TM7SF3: variants seen among roughly 807,000 people sequenced by gnomAD.
TM7SF3 encodes transmembrane 7 superfamily member 3, also known as seven span transmembrane protein.
A neutral mutation model predicts 65.5 loss-of-function variants in TM7SF3; 60 were observed. The observed-to-expected ratio is 0.92, with a 90% CI of 0.74 to 1.14. The LOEUF is 1.14. Ranked by LOEUF, TM7SF3 falls within the 50% of genes most tolerant of loss-of-function variation. The probability of loss-of-function intolerance (pLI) is 0.00; values close to 1 mark genes in which losing one functional copy is unlikely to be tolerated. For synonymous variants in TM7SF3, 264 were observed against 259.6 expected (o/e 1.02, Z -0.16); for missense variants, 623 against 684.8 (o/e 0.91, Z 1.01).
intron 3 of TM7SF3, 136 bp downstream of exon 3, chr12:26,999,390 C>T: frequency 3.5e-6 from 3 of 865,038 alleles, no homozygotes; most frequent in Admixed American, 5.6e-5. Context: ...TGCGAGACTC[C>T]ATCTCAAAAA....
chr12:26,995,358 C>T lies in TM7SF3; in HGVS notation c.569G>A (p.Trp190Ter), dbSNP rs1940546498. 19 of 1,614,240 alleles carry T rather than the reference C, an allele frequency of 1.2e-5. No individual in the cohort carries two copies. Among genetic ancestry groups the T allele is most frequent in the Non-Finnish European group, 1.6e-5 (19 of 1,180,044 alleles). ...CDAGTDQDSRWRLQYDVYQYF... is the reference protein window; with the variant it reads ...CDAGTDQDSR ...CTGATAGACATCATACTGCAACCTC[C>T]ACCTGGAGTCCTGGTCTGTCCCAGC... Residue 190 changes from tryptophan to a stop codon, truncating the protein, a stop_gained, in exon 5 of 12, where the codon TGG becomes TAG. Transcript: ENST00000343028. LOFTEE classifies it high-confidence loss of function.
intron 5 of TM7SF3, 53 bp downstream of exon 5, chr12:26,995,184 C>T: frequency 6.4e-7 from 1 of 1,563,718 alleles, no homozygotes; most frequent in Non-Finnish European, 8.7e-7. Flanking sequence ...CCCTTCTCAA[C>T]TCTGACAAAG....
chr12:26,974,742 CA>C (rs1468697572), intron 11 of TM7SF3, among the ~76,000 whole-genome samples: 1 of 152,170 alleles, frequency 6.6e-6, no homozygotes. Context: ...CTTGGCAAAA[CA>C]CTGTCTGGTA....
In TM7SF3 at chr12:27,003,176, T is replaced by G. The variant is rs542013209; in HGVS notation, c.246+60A>C. The G allele has an allele frequency of 5.6e-6, 7 of 1,257,680 alleles. No individual in the cohort carries two copies. The East Asian group carries it at 1.7e-4, about 30-fold the overall frequency. 77.9% of individuals were successfully genotyped at this position (1,257,680 alleles called of 1,614,324 possible). A position where few individuals can be genotyped will look rare whatever the true frequency, so the allele number is the denominator to read the frequency against. On this transcript the variant is annotated intron_variant, in intron 2 of 11. Transcript: ENST00000343028. ...AGATATCAAATTCTAATGCTCATAC[T>G]AAATACCAGACCCCCAAAATATAGA...
chr12:26,991,302 G>A (rs10842824), intron 5 of TM7SF3, among the ~76,000 whole-genome samples: 12,703 of 151,168 alleles, frequency 0.084, 705 homozygotes, highest in East Asian at 0.27. Flanking sequence ...ACAGGCGCCC[G>A]CCACCGCGCC....
intron 9 of TM7SF3, 147 bp downstream of exon 9, chr12:26,979,637 G>A (rs1309356972): frequency 2.4e-6 from 2 of 816,814 alleles, no homozygotes; most frequent in African/African-American, 1.7e-5. Context: ...TCCTGGTGCT[G>A]TCTGAAAGTG....
chr12:26,999,240 C>CA (rs1329289492), intron 3 of TM7SF3, among the ~76,000 whole-genome samples: 2 of 151,886 alleles, frequency 1.3e-5, no homozygotes, highest in Non-Finnish European at 2.9e-5. Flanking sequence ...ACTAAAAATA[C>CA]AAAAAATTAG....
intron 6 of TM7SF3, among the ~76,000 whole-genome samples, chr12:26,985,641 AAAAAAAAAAAAATATATATAT>A (rs1940026458): frequency 4.3e-5 from 3 of 69,490 alleles, no homozygotes; most frequent in South Asian, 5.4e-4. Flanking sequence ...AAAAAAAAAA[AAAAAAAAAAAAATATATATAT>A]ATATATATAT....
In TM7SF3 at chr12:26,973,794, A is replaced by G. The variant is rs1939452581; in HGVS notation, c.*171T>C. Reference sequence around the variant, plus strand: ...TGGTCATCTTTCTCATTCTCTTACAATCATCCTAATCCCCTAGTACACCCT... The same window carrying G: ...TGGTCATCTTTCTCATTCTCTTACAGTCATCCTAATCCCCTAGTACACCCT... On this transcript the variant is annotated 3_prime_UTR_variant, in exon 12 of 12. Transcript: ENST00000343028. 1 of 775,658 alleles carries G rather than the reference A, an allele frequency of 1.3e-6. No homozygotes were observed. The highest frequency in any genetic ancestry group is 1.9e-6 in the Non-Finnish European group (1 of 530,448). The allele number at this position is 775,658 out of a possible 1,614,324, so 48.0% of individuals were successfully genotyped here. A position where few individuals can be genotyped will look rare whatever the true frequency, so the allele number is the denominator to read the frequency against.
chr12:27,009,669 G>C (rs1941173644), intron 1 of TM7SF3, among the ~76,000 whole-genome samples: 1 of 152,144 alleles, frequency 6.6e-6, no homozygotes, highest in Non-Finnish European at 1.5e-5. Context: ...AAAGTGCTGG[G>C]ATTACAGACG....
Position 26,973,916 on chromosome 12 carries a change from C to G in TM7SF3, c.*49G>C, listed in dbSNP as rs1939457547. ...TTGCACCAGAGACTGTTGAACCACT[C>G]CAGGCATGAACTCCAAAGCTGAGGC... On this transcript the variant is annotated 3_prime_UTR_variant, in exon 12 of 12. Coordinates refer to ENST00000343028, the MANE Select transcript of TM7SF3 (RefSeq NM_016551.3). The G allele has an allele frequency of 1.3e-6, 2 of 1,594,954 alleles. No homozygotes were observed. Among genetic ancestry groups the G allele is most frequent in the African/African-American group, 2.7e-5 (2 of 74,232 alleles).
chr12:26,992,229 C>A (rs1398846108), intron 5 of TM7SF3, among the ~76,000 whole-genome samples: 1 of 152,126 alleles, frequency 6.6e-6, no homozygotes, highest in African/African-American at 2.4e-5. Context: ...ACATTAGATT[C>A]AGTTGAACAA....
intron 1 of TM7SF3, 69 bp from the exon 2 acceptor site, chr12:27,003,459 A>T: frequency 2.9e-6 from 4 of 1,392,350 alleles, no homozygotes; most frequent in Non-Finnish European, 3.0e-6. Flanking sequence ...TCATATTCAT[A>T]AATGAATGTG....
chr12:26,984,944 A>G (rs1269778502), intron 6 of TM7SF3, among the ~76,000 whole-genome samples: 1 of 152,202 alleles, frequency 6.6e-6, no homozygotes, highest in Admixed American at 6.5e-5. Flanking sequence ...TTAGGAGGCA[A>G]TATGGATATA....
intron 6 of TM7SF3, among the ~76,000 whole-genome samples, chr12:26,986,320 C>A (rs1409828787): frequency 6.6e-6 from 1 of 152,158 alleles, no homozygotes; most frequent in African/African-American, 2.4e-5. Context: ...TGTCTGACCA[C>A]CCTGGTCTGT....
chr12:26,999,449 G>A (rs767391606), intron 3 of TM7SF3, 77 bp downstream of exon 3: 16 of 1,463,622 alleles, frequency 1.1e-5, no homozygotes, highest in East Asian at 2.3e-5. Context: ...AATCTCAATA[G>A]GATAATTTTC....
intron 5 of TM7SF3, among the ~76,000 whole-genome samples, chr12:26,992,839 T>A (rs1940430137): frequency 6.6e-6 from 1 of 151,636 alleles, no homozygotes; most frequent in Admixed American, 6.6e-5. Flanking sequence ...TAACAATACC[T>A]TAGCTCACCT....
chr12:27,011,182 C>A (rs910988654), intron 1 of TM7SF3, among the ~76,000 whole-genome samples: 5 of 152,318 alleles, frequency 3.3e-5, no homozygotes, highest in Admixed American at 1.3e-4. Context: ...ATTAGCTTCA[C>A]ACACTTTTTA....
chr12:27,013,768 T>G lies in TM7SF3; in HGVS notation c.91+310A>C, dbSNP rs567160895. Among the ~76,000 whole-genome samples, 16 of 152,302 alleles carry G rather than the reference T, an allele frequency of 1.1e-4. No individual in the cohort carries two copies. The South Asian group carries it at 3.1e-3, about 30-fold the overall frequency. The stretch of plus-strand genomic sequence containing the variant: ...TCCACTGGGCAGCAAAGAGGCGCTT[T>G]AGTAAGTTGAATTAAAGCCACAAAC... On this transcript the variant is annotated intron_variant, in intron 1 of 11. Coordinates refer to ENST00000343028, the MANE Select transcript of TM7SF3 (RefSeq NM_016551.3).
Sources: gnomAD v4.1 joint callset for allele counts (sites outside exome capture counted in the v4.1 genomes callset) on GRCh38, gnomAD v4.1.1 for gene constraint, MANE v1.5 for transcripts, NCBI Gene and HGNC (gene_info 2026-07-23, HGNC 2026-07-21) for gene names.